LRRC37A2: variants seen among roughly 807,000 people sequenced by gnomAD.
LRRC37A2 encodes the protein leucine rich repeat containing 37 member A2.
In LRRC37A2, 9 loss-of-function variants were observed where a neutral mutation model predicts 68.8. That is an observed-to-expected ratio of 0.13 (90% CI 0.08 to 0.23). The LOEUF (loss-of-function observed/expected upper bound fraction) is 0.23. Among genes scored for constraint, LRRC37A2 ranks in the 10% least tolerant of loss-of-function variants. The pLI is 1.00. For missense variants in LRRC37A2, 168 were observed against 950.4 expected (o/e 0.18, Z 10.82); for synonymous variants, 63 against 367.6 (o/e 0.17, Z 9.48).
At chr17:46,980,747 G>A in the LRRC37A2 span, among the ~76,000 whole-genome samples, 6 of 151,504 alleles carry the variant, frequency 4.0e-5, no homozygotes, top group Non-Finnish European at 8.8e-5. Flanking sequence ...GCAGGAGAAT[G>A]GCGTGAACCC....
chr17:46,709,317 A>T, the LRRC37A2 span, among the ~76,000 whole-genome samples: 1 of 152,056 alleles, frequency 6.6e-6, no homozygotes, highest in African/African-American at 2.4e-5. Flanking sequence ...ACTTAATTTT[A>T]TTTATTCCAA....
chr17:46,895,817 C>T, the LRRC37A2 span, among the ~76,000 whole-genome samples: 2 of 152,184 alleles, frequency 1.3e-5, no homozygotes, highest in Non-Finnish European at 2.9e-5. Context: ...TTGTTTGGAA[C>T]CATCTGCTGC....
chr17:46,932,320 A>G, the LRRC37A2 span: 6 of 1,123,678 alleles, frequency 5.3e-6, no homozygotes, highest in Non-Finnish European at 8.0e-6. Flanking sequence ...GAGGAAACCA[A>G]CTGGAAATGA....
chr17:46,782,256 G>A, the LRRC37A2 span, among the ~76,000 whole-genome samples: 2 of 152,246 alleles, frequency 1.3e-5, no homozygotes, highest in Non-Finnish European at 2.9e-5. Flanking sequence ...AAGATCTAGT[G>A]TCTCTTAAAA....
chr17:46,750,238 A>T, the LRRC37A2 span, among the ~76,000 whole-genome samples: 15 of 152,200 alleles, frequency 9.9e-5, no homozygotes, highest in Non-Finnish European at 1.9e-4. Context: ...CTGTAGTTCC[A>T]GCTACTCAGG....
intron 11 of LRRC37A2, among the ~76,000 whole-genome samples, chr17:46,551,424 C>G (rs1431780026): frequency 6.7e-6 from 1 of 149,778 alleles, no homozygotes; most frequent in African/African-American, 2.6e-5. Flanking sequence ...TTGTGGCAGC[C>G]CTCCATTCCA....
the LRRC37A2 span, among the ~76,000 whole-genome samples, chr17:46,858,468 T>C: frequency 1.2e-4 from 17 of 143,888 alleles, no homozygotes; most frequent in African/African-American, 4.9e-4. Flanking sequence ...TTTCTCCTTT[T>C]TATTTTATTT....
At chr17:46,771,655 C>T in the LRRC37A2 span, among the ~76,000 whole-genome samples, 1 of 144,156 alleles carries the variant, frequency 6.9e-6, no homozygotes, top group East Asian at 2.1e-4. Context: ...CCCGGGCCGC[C>T]GGGCCGGCCG....
chr17:46,709,564 G>T, the LRRC37A2 span, among the ~76,000 whole-genome samples: 1 of 151,352 alleles, frequency 6.6e-6, no homozygotes. Context: ...GCGTGATCTC[G>T]GCTCACTGCA....
At chr17:46,837,830 G>T in the LRRC37A2 span, among the ~76,000 whole-genome samples, 6 of 152,214 alleles carry the variant, frequency 3.9e-5, no homozygotes, top group African/African-American at 1.2e-4. Flanking sequence ...ACTGCAAAAG[G>T]TTACACCACA....
chr17:46,918,363 C>T, the LRRC37A2 span, among the ~76,000 whole-genome samples: 1 of 152,210 alleles, frequency 6.6e-6, no homozygotes, highest in Non-Finnish European at 1.5e-5. Flanking sequence ...CAGGCGTGAA[C>T]CGCCGCCCCC....
the LRRC37A2 span, among the ~76,000 whole-genome samples, chr17:46,859,225 C>G: frequency 6.6e-6 from 1 of 152,164 alleles, no homozygotes; most frequent in Non-Finnish European, 1.5e-5. Flanking sequence ...ATCCACCTGC[C>G]TCGGCCTCCC....
the LRRC37A2 span, among the ~76,000 whole-genome samples, chr17:47,036,595 AC>A: frequency 6.6e-6 from 1 of 151,832 alleles, no homozygotes; most frequent in African/African-American, 2.4e-5. Context: ...AAAAAAAAAA[AC>A]ATTATTTCCA....
chr17:46,936,432 G>T, the LRRC37A2 span: 3 of 985,396 alleles, frequency 3.0e-6, no homozygotes, highest in Non-Finnish European at 3.6e-6. Context: ...AGGCTGTGAG[G>T]TGGCTGGGGG....
chr17:46,739,558 T>C, the LRRC37A2 span, among the ~76,000 whole-genome samples: 2 of 150,964 alleles, frequency 1.3e-5, no homozygotes, highest in Admixed American at 1.3e-4. Flanking sequence ...CACAAAAACA[T>C]AAAACTGGGC....
At chr17:46,874,956 C>G in the LRRC37A2 span, 1 of 1,314,366 alleles carries the variant, frequency 7.6e-7, no homozygotes, top group Non-Finnish European at 1.1e-6. Flanking sequence ...GAGCTGTGTC[C>G]TCAAGCCACA....
the LRRC37A2 span, among the ~76,000 whole-genome samples, chr17:46,944,350 C>CACG: frequency 6.6e-6 from 1 of 152,236 alleles, no homozygotes; most frequent in African/African-American, 2.4e-5. Flanking sequence ...TGGCAGCAAC[C>CACG]ACGGGCCACA....
chr17:46,676,395 G>T, the LRRC37A2 span, among the ~76,000 whole-genome samples: 1 of 136,532 alleles, frequency 7.3e-6, no homozygotes, highest in Non-Finnish European at 1.5e-5. Context: ...ACCACGCCCA[G>T]CTAATTTTGT....
chr17:46,745,686 T>C, the LRRC37A2 span, among the ~76,000 whole-genome samples: 1 of 152,200 alleles, frequency 6.6e-6, no homozygotes, highest in Admixed American at 6.5e-5. Context: ...ATTAAAAAGC[T>C]AAAAAAGAGA....
Sources: gnomAD v4.1 joint callset for allele counts (sites outside exome capture counted in the v4.1 genomes callset) on GRCh38, gnomAD v4.1.1 for gene constraint, MANE v1.5 for transcripts, NCBI Gene and HGNC (gene_info 2026-07-23, HGNC 2026-07-21) for gene names.